MBD3L1: variants seen among roughly 807,000 people sequenced by gnomAD.
The protein encoded by MBD3L1 is methyl-CpG binding domain protein 3 like 1.
For missense variants in MBD3L1, 203 were observed against 230.1 expected, an observed-to-expected ratio of 0.88 and a Z score of 0.76; for synonymous variants, 84 against 85.1, an observed-to-expected ratio of 0.99 and a Z score of 0.07.
rs1555775800 is a variant in MBD3L1, at chr19:8,839,188, T to TC, written c.-106-1727_-106-1726insC. Among the ~76,000 whole-genome samples, 136 of 110,184 alleles carry TC rather than the reference T, an allele frequency of 1.2e-3. 1 individual carries two copies. Among genetic ancestry groups the TC allele is most frequent in the African/African-American group, 3.7e-3 (127 of 34,710 alleles). The allele number at this position is 110,184 out of a possible 152,430, so 72.3% of individuals were successfully genotyped here. ...TTTCTTTTTTTTCTTTTCTTTTCTT[T>TC]TTTTTTTTTTTTTTGAGACAGAGTC... On this transcript the variant is annotated intron_variant, in intron 1 of 2. Coordinates refer to ENST00000595891, the MANE Select transcript of MBD3L1 (RefSeq NM_001393532.1).
At chr19:8,839,876 C>T (rs771406016) in intron 1 of MBD3L1, among the ~76,000 whole-genome samples, 5 of 151,646 alleles carry the variant, frequency 3.3e-5, no homozygotes, top group African/African-American at 9.7e-5. Flanking sequence ...GTTTAAATGC[C>T]GAAGAAGGGA....
At chr19:8,833,125 T>G (rs918499624) in intron 1 of MBD3L1, 14 of 152,170 alleles carry the variant, frequency 9.2e-5, no homozygotes, top group African/African-American at 3.4e-4. Context: ...ATGATGTGGG[T>G]GGGTTGGGAT....
intron 1 of MBD3L1, chr19:8,833,072 A>G (rs1380239119): frequency 1.3e-5 from 2 of 152,678 alleles, no homozygotes; most frequent in African/African-American, 4.8e-5. Context: ...GTGGGTGGAG[A>G]CCAGTTCCAG....
intron 1 of MBD3L1, among the ~76,000 whole-genome samples, chr19:8,834,432 AC>A (rs2044430907): frequency 6.6e-6 from 1 of 151,936 alleles, no homozygotes; most frequent in Non-Finnish European, 1.5e-5. Flanking sequence ...ACATGGTGAA[AC>A]CCCGTCTCTA....
At chr19:8,840,175 C>T (rs556279387) in intron 1 of MBD3L1, among the ~76,000 whole-genome samples, 11 of 144,624 alleles carry the variant, frequency 7.6e-5, no homozygotes, top group South Asian at 2.2e-4. Context: ...TAGAGCGGGA[C>T]TCCGTCTCAA....
chr19:8,841,222 G>A (rs1307850043), intron 2 of MBD3L1, among the ~76,000 whole-genome samples: 1 of 150,950 alleles, frequency 6.6e-6, no homozygotes, highest in Non-Finnish European at 1.5e-5. Flanking sequence ...GGTAGAGATG[G>A]GGTTTCACCA....
At chr19:8,839,117 A>G (rs1314768724) in intron 1 of MBD3L1, among the ~76,000 whole-genome samples, 1 of 150,874 alleles carries the variant, frequency 6.6e-6, no homozygotes, top group African/African-American at 2.4e-5. Context: ...GCACATCTCA[A>G]TTTGCGAGTT....
rs759734802 is a variant in MBD3L1, at chr19:8,842,770, C to G, written c.92C>G (p.Ser31Cys). 2 of 1,614,132 alleles carry G rather than the reference C, an allele frequency of 1.2e-6. No homozygotes were observed. The highest frequency in any genetic ancestry group is 3.3e-5 in the Admixed American group (2 of 60,016). Residue 31 changes from serine (S) to cysteine (C), a missense_variant, in exon 3 of 3, where the codon TCC (serine) becomes TGC (cysteine). By Grantham distance (112) the Ser-to-Cys change is moderately radical (BLOSUM62 -1). Transcript: ENST00000595891. ...GLSTSIPLRM[S>C]SYTFKRPVTR... is the part of the protein sequence containing the mutation. ...AGCACCTCAATCCCTTTGAGAATGT[C>G]CAGTTACACATTCAAGAGGCCAGTA... is the stretch of plus-strand genomic sequence containing the variant.
intron 1 of MBD3L1, among the ~76,000 whole-genome samples, chr19:8,834,174 A>C (rs113270332): frequency 0.014 from 2,091 of 152,334 alleles, 60 homozygotes; most frequent in African/African-American, 0.048. Context: ...TCTGCTTCCC[A>C]AAAATATCCA....
chr19:8,841,509 A>T (rs992705041), intron 2 of MBD3L1, among the ~76,000 whole-genome samples: 7 of 152,200 alleles, frequency 4.6e-5, no homozygotes, highest in African/African-American at 1.7e-4. Flanking sequence ...CATTTGAATT[A>T]AAAAACCTGG....
intron 1 of MBD3L1, chr19:8,833,281 C>T (rs2044407022): frequency 6.6e-6 from 1 of 152,150 alleles, no homozygotes; most frequent in Non-Finnish European, 1.5e-5. Flanking sequence ...AACTTGCTTT[C>T]CCAAGGCAGA....
At position 8,842,808 on chromosome 19, in the gene MBD3L1, C is replaced by T. The variant is rs113467034; in HGVS notation, c.130C>T (p.Pro44Ser). Residue 44 changes from proline to serine, a missense_variant, in exon 3 of 3, where the codon CCC becomes TCC. Coordinates refer to ENST00000595891, the MANE Select transcript of MBD3L1 (RefSeq NM_001393532.1). Reference protein sequence around the residue: ...TFKRPVTRITPHPGNEVRYHQ... With the variant: ...TFKRPVTRITSHPGNEVRYHQ... ...CAAGAGGCCAGTAACGAGAATTACA[C>T]CCCATCCTGGCAATGAGGTCAGATA... 2.4e-4 allele frequency: 384 copies of T among 1,614,180 alleles called. 1 individual carries two copies. The African/African-American group carries it at 3.6e-3, about 15-fold the overall frequency.
intron 1 of MBD3L1, 98 bp downstream of exon 1, chr19:8,832,620 AGGC>A (rs1336884514): frequency 7.6e-6 from 1 of 131,876 alleles, no homozygotes; most frequent in Non-Finnish European, 1.6e-5. Flanking sequence ...GCGGGGCTGA[AGGC>A]GGGGAACCGG....
At chr19:8,839,998 A>G (rs1272119299) in intron 1 of MBD3L1, among the ~76,000 whole-genome samples, 2 of 152,132 alleles carry the variant, frequency 1.3e-5, no homozygotes, top group Admixed American at 1.3e-4. Flanking sequence ...TCTGGCCAAC[A>G]TGGCGAAACC....
At position 8,834,646 on chromosome 19, in the gene MBD3L1, AAACC is replaced by A. The variant is rs1387498742; in HGVS notation, c.-107+2135_-107+2138del. ...CCAAAACCAAAAAAAAACAAAAAAA[AAACC>A]AACCAACCAAGAAACAAACAAAAAA... is the stretch of plus-strand genomic sequence containing the variant. On this transcript the variant is annotated intron_variant, in intron 1 of 2. Transcript: ENST00000595891. 3.3e-5 allele frequency among the ~76,000 whole-genome samples: 5 copies of A among 151,832 alleles called. No homozygotes were observed. In the South Asian group the frequency reaches 6.2e-4, roughly 19 times the overall value.
rs1290354931 is a variant in MBD3L1, at chr19:8,832,507, TG to T, written c.-118del. Reference sequence around the variant, plus strand: ...GTGGGCACAAAGTTGGGCCCTGGCCTGGGGCAGTAGCGGGGGTAAGGTTGGC... The same window carrying T: ...GTGGGCACAAAGTTGGGCCCTGGCCTGGGCAGTAGCGGGGGTAAGGTTGGC... On this transcript the variant is annotated 5_prime_UTR_variant, in exon 1 of 3. Transcript: ENST00000595891. The T allele has an allele frequency of 2.0e-5, 3 of 151,804 alleles. No homozygotes were observed. Among genetic ancestry groups the T allele is most frequent in the Middle Eastern group, 3.4e-3 (1 of 296 alleles). The allele number at this position is 151,804 out of a possible 1,614,324, so 9.4% of individuals were successfully genotyped here. A position where few individuals can be genotyped will look rare whatever the true frequency, so the allele number is the denominator to read the frequency against.
intron 1 of MBD3L1, among the ~76,000 whole-genome samples, chr19:8,834,648 A>T (rs573451234): frequency 2.0e-5 from 3 of 151,832 alleles, no homozygotes; most frequent in Middle Eastern, 3.4e-3. Flanking sequence ...CAAAAAAAAA[A>T]CCAACCAACC....
chr19:8,840,077 G>A (rs1449317853), intron 1 of MBD3L1, among the ~76,000 whole-genome samples: 1 of 151,792 alleles, frequency 6.6e-6, no homozygotes, highest in Non-Finnish European at 1.5e-5. Context: ...CCAGCTACTT[G>A]GGAGGCTGAG....
chr19:8,839,563 C>T (rs752904739), intron 1 of MBD3L1, among the ~76,000 whole-genome samples: 58 of 152,122 alleles, frequency 3.8e-4, no homozygotes, highest in Admixed American at 2.8e-3. Context: ...TTGTTCCAAG[C>T]ATACTTCAAA....
Sources: allele counts gnomAD v4.1 joint callset (sites outside exome capture counted in the v4.1 genomes callset), GRCh38; gene constraint gnomAD v4.1.1; transcripts MANE v1.5; gene names NCBI Gene and HGNC (gene_info 2026-07-23, HGNC 2026-07-21).